Variants in ERMARD observed in about 807,000 individuals in gnomAD.
ERMARD encodes endoplasmic reticulum membrane-associated RNA degradation protein.
Under a neutral mutation model 83.9 loss-of-function variants are expected in ERMARD, and 71 were observed. The ratio of observed to expected loss-of-function variants is 0.85; its 90% CI spans 0.70 to 1.03. ERMARD has a LOEUF of 1.03. Ranked by LOEUF, ERMARD falls within the 50% of genes least tolerant of loss-of-function variation. The probability of loss-of-function intolerance (pLI) is 0.00; values close to 1 mark genes in which losing one functional copy is unlikely to be tolerated. For missense variants in ERMARD, 838 were observed against 810.9 expected (o/e 1.03, Z -0.41); for synonymous variants, 284 against 298.6 (o/e 0.95, Z 0.50).
intron 12 of ERMARD, 39 bp from the exon 13 acceptor site, chr6:169,773,280 A>G (rs1171081998): frequency 6.3e-7 from 1 of 1,588,812 alleles, no homozygotes; most frequent in Non-Finnish European, 8.6e-7. Flanking sequence ...CTAAAAGCCC[A>G]CCCAAACATG....
At chr6:169,754,127 G>A (rs1790499977) in intron 2 of ERMARD, 95 bp downstream of exon 2, 1 of 1,202,318 alleles carries the variant, frequency 8.3e-7, no homozygotes, top group Non-Finnish European at 1.2e-6. Flanking sequence ...GGTTCCTTTT[G>A]TTAGATAATG....
intron 1 of ERMARD, 62 bp from the exon 2 acceptor site, chr6:169,753,802 A>G: frequency 7.7e-7 from 1 of 1,306,142 alleles, no homozygotes; most frequent in Non-Finnish European, 1.0e-6. Flanking sequence ...TGTGTCTGAA[A>G]TATATAATAC....
chr6:169,776,378 A>G (rs1450890777), intron 15 of ERMARD, 77 bp from the exon 16 acceptor site: 4 of 1,564,830 alleles, frequency 2.6e-6, no homozygotes, highest in Admixed American at 1.9e-5. Flanking sequence ...AGAAAGCCGC[A>G]GCCTTGCAGG....
chr6:169,770,661 C>T (rs1306466743), intron 12 of ERMARD: 1 of 151,854 alleles, frequency 6.6e-6, no homozygotes, highest in Non-Finnish European at 1.5e-5. Flanking sequence ...GCTCTGTCAC[C>T]CAGGCTGGAG....
At chr6:169,771,550 G>T (rs190932002) in intron 12 of ERMARD, 8 of 152,162 alleles carry the variant, frequency 5.3e-5, no homozygotes, top group Non-Finnish European at 1.0e-4. Flanking sequence ...TGAGGCCCTC[G>T]TGGATTGAGT....
At chr6:169,752,632 T>C (rs1790277275) in intron 1 of ERMARD, among the ~76,000 whole-genome samples, 1 of 152,178 alleles carries the variant, frequency 6.6e-6, no homozygotes, top group South Asian at 2.1e-4. Flanking sequence ...CTGATAGCAG[T>C]TTCCACATTA....
intron 12 of ERMARD, among the ~76,000 whole-genome samples, chr6:169,770,033 A>T (rs1792706830): frequency 6.6e-6 from 1 of 152,224 alleles, no homozygotes; most frequent in Non-Finnish European, 1.5e-5. Context: ...ATTTTTACAG[A>T]TATTTGCTAA....
chr6:169,766,829 G>A (rs1348116598), intron 10 of ERMARD, among the ~76,000 whole-genome samples, 162 bp downstream of exon 10: 7 of 152,092 alleles, frequency 4.6e-5, no homozygotes, highest in Non-Finnish European at 1.0e-4. Context: ...TGATATTTCC[G>A]GTTAATTTTG....
In ERMARD at chr6:169,755,357, T is replaced by C; in HGVS notation, c.250T>C (p.Ser84Pro). ...TGAGGCTGTCCATTCACATTTCTTA[T>C]CTCTGACCAAGGGGCAATTTGAAAT... is the stretch of plus-strand genomic sequence containing the variant. ...VCEAVHSHFL[S>P]LTKGQFEIRY... is the part of the protein sequence containing the mutation. The change falls in exon 3 of 18, where the codon TCT becomes CCT. Residue 84 changes from serine to proline, a missense_variant. Transcript: ENST00000366773. 1 of 1,614,218 alleles carries C rather than the reference T, an allele frequency of 6.2e-7. No individual in the cohort carries two copies.
At chr6:169,765,138 C>T (rs1792042883) in intron 9 of ERMARD, among the ~76,000 whole-genome samples, 1 of 152,232 alleles carries the variant, frequency 6.6e-6, no homozygotes, top group Non-Finnish European at 1.5e-5. Context: ...TGGGGATTGG[C>T]TGCACGGTGG....
intron 2 of ERMARD, among the ~76,000 whole-genome samples, 162 bp from the exon 3 acceptor site, chr6:169,755,121 T>C (rs55881591): frequency 1.4e-4 from 22 of 152,370 alleles, no homozygotes; most frequent in Non-Finnish European, 2.6e-4. Flanking sequence ...TTATGTGATT[T>C]ATTTCCAACA....
intron 5 of ERMARD, 104 bp from the exon 6 acceptor site, chr6:169,758,864 C>CTGTTGACT: frequency 9.7e-7 from 1 of 1,027,872 alleles, no homozygotes; most frequent in East Asian, 2.4e-5. Context: ...CTAGCCAAAA[C>CTGTTGACT]TGTTGACTCT....
In ERMARD at chr6:169,768,099, T is replaced by C; in HGVS notation, c.991-4T>C. On this transcript the variant is annotated splice_polypyrimidine_tract_variant and splice_region_variant and intron_variant, in intron 10 of 17. Transcript: ENST00000366773. ...AACCAATGTATTTATTTTTGATGTT[T>C]TAGATATTGGCAAAACACTTGAATG... 6.2e-7 allele frequency: 1 copy of C among 1,613,252 alleles called. No homozygotes were observed. Among genetic ancestry groups the C allele is most frequent in the Middle Eastern group, 1.6e-4 (1 of 6,062 alleles).
rs746088034 is a variant in ERMARD at position 169,775,284 on chromosome 6, G to A, written c.1332G>A (p.Glu444=). The change falls in exon 14 of 18, where the codon GAG becomes GAA. Residue 444 remains glutamate (E), a synonymous_variant. Transcript: ENST00000366773. ...FQLKKQVLSC[E]ESIRVWALLP... ...TTTCCTCCCAGGTGCTGAGCTGTGAGGAGAGCATCAGGGTTTGGGCTCTGC... is the reference window on the plus strand; with the variant it reads ...TTTCCTCCCAGGTGCTGAGCTGTGAAGAGAGCATCAGGGTTTGGGCTCTGC... The A allele has an allele frequency of 6.2e-7, 1 of 1,614,238 alleles. No homozygotes were observed. Among genetic ancestry groups the A allele is most frequent in the Middle Eastern group, 1.7e-4 (1 of 6,058 alleles).
chr6:169,773,424 G>T, intron 13 of ERMARD, 22 bp downstream of exon 13: 1 of 1,612,244 alleles, frequency 6.2e-7, no homozygotes, highest in South Asian at 1.1e-5. Flanking sequence ...GCAGGGTCCC[G>T]GGAGGGGCGT....
chr6:169,751,641 GC>G lies in ERMARD; in HGVS notation c.-16del. 1.9e-6 allele frequency: 3 copies of G among 1,567,664 alleles called. No individual in the cohort carries two copies. The South Asian group carries it at 3.5e-5, about 18-fold the overall frequency. ...GCCTGCGTCATTCACGCGCGCCGCA[GC>G]GGGGCACCGGAAGTTATGGAGGTAG... On this transcript the variant is annotated 5_prime_UTR_variant, in exon 1 of 18. Coordinates refer to ENST00000366773, the MANE Select transcript of ERMARD (RefSeq NM_018341.3).
At chr6:169,774,115 CACA>C (rs1793300231) in intron 13 of ERMARD, among the ~76,000 whole-genome samples, 1 of 152,190 alleles carries the variant, frequency 6.6e-6, no homozygotes, top group Admixed American at 6.5e-5. Context: ...GCGGGCGGAT[CACA>C]ACGTCAGGAG....
chr6:169,753,399 T>C (rs1790398800), intron 1 of ERMARD: 1 of 154,482 alleles, frequency 6.5e-6, no homozygotes, highest in African/African-American at 2.4e-5. Context: ...TTCCTTCTTG[T>C]TCGTTATACT....
intron 12 of ERMARD, chr6:169,771,917 TC>T (rs201111389): frequency 0.036 from 5,419 of 152,202 alleles, 99 homozygotes; most frequent in Non-Finnish European, 0.039. Flanking sequence ...GTGCCTGTAG[TC>T]CTGAGAATAG....
Sources: allele counts gnomAD v4.1 joint callset (sites outside exome capture counted in the v4.1 genomes callset), GRCh38; gene constraint gnomAD v4.1.1; transcripts MANE v1.5; gene names NCBI Gene and HGNC (gene_info 2026-07-23, HGNC 2026-07-21).